CUX1: variants seen among roughly 807,000 people sequenced by gnomAD.
CUX1 encodes the protein cut like homeobox 1, also known as protein CASP.
In CUX1, 31 loss-of-function variants were observed where a neutral mutation model predicts 158.8. The observed-to-expected ratio is 0.20, with a 90% CI of 0.15 to 0.26. The LOEUF (loss-of-function observed/expected upper bound fraction) is 0.26, where lower values mean the gene tolerates loss of function less well. Ranked by LOEUF, CUX1 falls within the 10% of genes least tolerant of loss-of-function variation. The pLI is 1.00. For synonymous variants in CUX1, 879 were observed against 862.1 expected (o/e 1.02, Z -0.34); for missense variants, 1,589 against 2,014.6 (o/e 0.79, Z 4.04).
chr7:102,110,331 G>A (rs1279524865), intron 6 of CUX1, among the ~76,000 whole-genome samples: 1 of 152,048 alleles, frequency 6.6e-6, no homozygotes, highest in Non-Finnish European at 1.5e-5. Context: ...GTTATAGCAT[G>A]TTACATATTA....
intron 2 of CUX1, among the ~76,000 whole-genome samples, chr7:102,003,384 C>A (rs529874338): frequency 6.6e-6 from 1 of 151,436 alleles, no homozygotes; most frequent in African/African-American, 2.4e-5. Flanking sequence ...TCGTTGTTTT[C>A]TTGTAAATAA....
intron 20 of CUX1, among the ~76,000 whole-genome samples, chr7:102,222,852 C>T (rs1403977304): frequency 3.2e-5 from 1 of 31,734 alleles, no homozygotes; most frequent in Non-Finnish European, 5.6e-5. Flanking sequence ...CAGAGTCTCA[C>T]TCTGTTGCCC....
intron 2 of CUX1, among the ~76,000 whole-genome samples, chr7:101,990,544 T>C (rs1365433057): frequency 6.6e-6 from 1 of 152,144 alleles, no homozygotes; most frequent in East Asian, 1.9e-4. Flanking sequence ...GTCTGGCTAA[T>C]TTCTGTATTT....
At chr7:102,153,023 A>G (rs887228885) in intron 8 of CUX1, among the ~76,000 whole-genome samples, 10 of 152,214 alleles carry the variant, frequency 6.6e-5, no homozygotes, top group African/African-American at 2.4e-4. Flanking sequence ...CTTGAAATTC[A>G]CTTCCAGGAT....
intron 4 of CUX1, among the ~76,000 whole-genome samples, chr7:102,091,388 T>C (rs941762509): frequency 6.6e-6 from 1 of 152,176 alleles, no homozygotes; most frequent in African/African-American, 2.4e-5. Flanking sequence ...TGGAGTACAG[T>C]GGCATGATCA....
At chr7:101,857,951 C>T (rs1367201353) in intron 1 of CUX1, among the ~76,000 whole-genome samples, 5 of 151,952 alleles carry the variant, frequency 3.3e-5, no homozygotes, top group African/African-American at 7.3e-5. Context: ...GGTGAAACCC[C>T]GTCTCTACTA....
intron 20 of CUX1, among the ~76,000 whole-genome samples, chr7:102,217,139 G>A (rs1266713449): frequency 6.6e-6 from 1 of 152,216 alleles, no homozygotes; most frequent in Non-Finnish European, 1.5e-5. Context: ...GCCGGAACAA[G>A]GCGAGCCTGT....
In CUX1 at chr7:101,861,898, A is replaced by T. The variant is rs570000018; in HGVS notation, c.30+44229A>T. On this transcript the variant is annotated intron_variant, in intron 1 of 23. Coordinates refer to ENST00000292535, the MANE Select transcript of CUX1 (RefSeq NM_181552.4). Reference sequence around the variant, plus strand: ...GGCCCAGGCTGGAGTGCAGTGGCACAATCTCGGCTCACTACAACCTCCACC... The same window carrying T: ...GGCCCAGGCTGGAGTGCAGTGGCACTATCTCGGCTCACTACAACCTCCACC... Among the ~76,000 whole-genome samples, 9 of 151,766 alleles carry T rather than the reference A, an allele frequency of 5.9e-5. No homozygotes were observed. In the East Asian group the frequency reaches 1.7e-3, roughly 29 times the overall value.
At chr7:102,239,665 G>A in intron 23 of CUX1, 81 bp downstream of exon 23, 1 of 1,502,538 alleles carries the variant, frequency 6.7e-7, no homozygotes, top group Non-Finnish European at 8.9e-7. Flanking sequence ...TGGCGCACAG[G>A]GGTGAGGCTG....
chr7:101,994,428 C>T (rs1815553157), intron 2 of CUX1, among the ~76,000 whole-genome samples: 1 of 152,042 alleles, frequency 6.6e-6, no homozygotes, highest in African/African-American at 2.4e-5. Context: ...ACATGGTACC[C>T]CGTCTCTATT....
At chr7:102,283,136 C>T (rs781930139) in exon 23 of CUX1, 17 of 1,480,598 alleles carry the variant, frequency 1.1e-5, no homozygotes, top group Middle Eastern at 1.7e-4. Context: ...GCCTCCACCC[C>T]GACTGCTCAG....
chr7:101,953,224 T>A (rs1809325375), intron 2 of CUX1, among the ~76,000 whole-genome samples: 1 of 152,202 alleles, frequency 6.6e-6, no homozygotes, highest in Non-Finnish European at 1.5e-5. Flanking sequence ...TTGTGACTCA[T>A]CTTGTTAGAG....
intron 1 of CUX1, among the ~76,000 whole-genome samples, chr7:101,913,965 T>C (rs1362015737): frequency 1.3e-5 from 2 of 152,050 alleles, no homozygotes; most frequent in Admixed American, 6.5e-5. Flanking sequence ...TCCCTCCAGA[T>C]TGTTTATATT....
intron 1 of CUX1, among the ~76,000 whole-genome samples, chr7:101,824,198 G>C (rs571445034): frequency 6.6e-6 from 1 of 152,224 alleles, no homozygotes; most frequent in Admixed American, 6.5e-5. Context: ...AGTGATTCTC[G>C]TGCCTCAGCC....
intron 8 of CUX1, among the ~76,000 whole-genome samples, chr7:102,156,532 G>T (rs782586298): frequency 6.6e-6 from 1 of 152,104 alleles, no homozygotes; most frequent in Non-Finnish European, 1.5e-5. Flanking sequence ...CATTCATGAG[G>T]GCATCCACTG....
chr7:101,972,325 C>G (rs10236615), intron 2 of CUX1, among the ~76,000 whole-genome samples: 21,364 of 152,194 alleles, frequency 0.14, 1,838 homozygotes, highest in South Asian at 0.2. Context: ...AAGTACTGGT[C>G]ATTAGAACCA....
chr7:102,173,360 A>G (rs572815868), intron 10 of CUX1, among the ~76,000 whole-genome samples: 1 of 152,340 alleles, frequency 6.6e-6, no homozygotes, highest in South Asian at 2.1e-4. Context: ...ATCTCAAAAC[A>G]AAACAAAACA....
rs1390254856 is a variant in CUX1 at position 102,256,863 on chromosome 7, G to T, written c.*7821G>T. On this transcript the variant is annotated 3_prime_UTR_variant, in exon 24 of 24. Transcript: ENST00000292535. The stretch of plus-strand genomic sequence containing the variant: ...CGCATGGGTTGATACGTTTTGGTTG[G>T]TTTTTTGTTGTTGTTTTTCTTGCGT... 1.4e-5 allele frequency: 14 copies of T among 985,350 alleles called. No homozygotes were observed. Among genetic ancestry groups the T allele is most frequent in the Non-Finnish European group, 1.7e-5 (14 of 829,972 alleles). 61.0% of individuals were successfully genotyped at this position (985,350 alleles called of 1,614,324 possible).
chr7:102,105,034 C>T (rs989017491), intron 6 of CUX1, among the ~76,000 whole-genome samples: 3 of 152,210 alleles, frequency 2.0e-5, no homozygotes, highest in African/African-American at 2.4e-5. Context: ...AGGCATGAGT[C>T]GTTAGCAAGG....
Sources: allele counts gnomAD v4.1 joint callset (sites outside exome capture counted in the v4.1 genomes callset), GRCh38; gene constraint gnomAD v4.1.1; transcripts MANE v1.5; gene names NCBI Gene and HGNC (gene_info 2026-07-23, HGNC 2026-07-21).